SH2D3C: variants seen among roughly 807,000 people sequenced by gnomAD.
The protein encoded by SH2D3C is SH2 domain containing 3C.
Under a neutral mutation model 75.2 loss-of-function variants are expected in SH2D3C, and 25 were observed. That is an observed-to-expected ratio of 0.33 (90% CI 0.24 to 0.46). The LOEUF (loss-of-function observed/expected upper bound fraction) is 0.46. SH2D3C is among the 20% of genes least tolerant of loss of function. SH2D3C has a pLI of 1.00. For missense variants in SH2D3C, 933 were observed against 1,165.3 expected (o/e 0.80, Z 2.90); for synonymous variants, 450 against 473.7 (o/e 0.95, Z 0.65).
In SH2D3C at chr9:127,740,349, T is replaced by G. The variant is rs1476961419; in HGVS notation, c.2109A>C (p.Thr703=). 1 of 1,614,086 alleles carries G rather than the reference T, an allele frequency of 6.2e-7. No homozygotes were observed. The highest frequency in any genetic ancestry group is 8.5e-7 in the Non-Finnish European group (1 of 1,179,990). ...TGTGTCGCTGCCGCAGGGTCACCCA[T>G]GTCTGCTCCAGCCGAGAAATCTGGG... The part of the protein sequence containing the change: ...DMAQISRLEQ[T]WVTLRQRHTE... The change falls in exon 10 of 12, where the codon ACA becomes ACC. Residue 703 remains threonine (T), a synonymous_variant. Transcript: ENST00000314830.
intron 8 of SH2D3C, chr9:127,742,529 G>T (rs1006459732): frequency 5.7e-5 from 15 of 264,252 alleles, no homozygotes; most frequent in Non-Finnish European, 2.2e-5. Flanking sequence ...GAGCCACCGC[G>T]CCCGGCCAGG....
rs371070011 is a variant in SH2D3C at position 127,778,533 on chromosome 9, G to A, written c.37+58C>T. ...ACAGTGATGAAGAAACAGATGCAGAGAGAGGCCCAGAGGAGAGCCAGGGAT... is the reference window on the plus strand; with the variant it reads ...ACAGTGATGAAGAAACAGATGCAGAAAGAGGCCCAGAGGAGAGCCAGGGAT... On this transcript the variant is annotated intron_variant, in intron 1 of 11. Coordinates refer to ENST00000314830, the MANE Select transcript of SH2D3C (RefSeq NM_170600.3). The A allele has an allele frequency of 1.4e-5, 17 of 1,221,064 alleles. No individual in the cohort carries two copies. In the African/African-American group the frequency reaches 2.1e-4, roughly 15 times the overall value. The allele number at this position is 1,221,064 out of a possible 1,614,324, so 75.6% of individuals were successfully genotyped here.
intron 2 of SH2D3C, among the ~76,000 whole-genome samples, chr9:127,767,862 C>T (rs974765610): frequency 6.6e-6 from 1 of 152,238 alleles, no homozygotes; most frequent in Non-Finnish European, 1.5e-5. Context: ...GTCACACAGT[C>T]AGTGGGCCTC....
At chr9:127,771,282 T>G (rs1845733188) in intron 2 of SH2D3C, 1 of 1,517,636 alleles carries the variant, frequency 6.6e-7, no homozygotes, top group Non-Finnish European at 8.8e-7. Context: ...ACCCAGCGGC[T>G]CCTGCCTTTC....
At position 127,754,442 on chromosome 9, in the gene SH2D3C, C is replaced by G. The variant is rs990419675; in HGVS notation, c.556-3142G>C. On this transcript the variant is annotated intron_variant, in intron 3 of 11. Transcript: ENST00000314830. The surrounding 1 kb of genome is among the most constrained non-coding windows in gnomAD (Gnocchi z 4.4). ...GTCCCAACCCCAAGCAAAGCCATCC[C>G]CAAAGGATGCTCCGCAGAGAGGCGG... is the stretch of plus-strand genomic sequence containing the variant. 7.9e-5 allele frequency among the ~76,000 whole-genome samples: 12 copies of G among 152,170 alleles called. No individual in the cohort carries two copies. Among genetic ancestry groups the G allele is most frequent in the Non-Finnish European group, 1.2e-4 (8 of 68,028 alleles).
intron 1 of SH2D3C, among the ~76,000 whole-genome samples, chr9:127,776,529 C>G (rs2131814308): frequency 6.6e-6 from 1 of 152,304 alleles, no homozygotes; most frequent in African/African-American, 2.4e-5. Context: ...CTCCCCCTGC[C>G]CCCAGCTGTG....
intron 1 of SH2D3C, among the ~76,000 whole-genome samples, chr9:127,775,960 C>T (rs1245789931): frequency 1.3e-5 from 2 of 152,002 alleles, no homozygotes; most frequent in African/African-American, 4.8e-5. Context: ...TCCCGAGTAA[C>T]TGGGATTACA....
chr9:127,760,899 C>T (rs1005828497), intron 3 of SH2D3C, among the ~76,000 whole-genome samples: 2 of 151,844 alleles, frequency 1.3e-5, no homozygotes, highest in East Asian at 3.9e-4. Context: ...AGTGCAGTGG[C>T]GCAAATCTCA....
At chr9:127,776,875 C>T (rs114604871) in intron 1 of SH2D3C, among the ~76,000 whole-genome samples, 1 of 152,128 alleles carries the variant, frequency 6.6e-6, no homozygotes, top group Non-Finnish European at 1.5e-5. Context: ...AGAAACGTGT[C>T]GGCAAATGTG....
Position 127,741,772 on chromosome 9 carries a change from G to A in SH2D3C, c.2088+16C>T, listed in dbSNP as rs1224497700. ...AGACAGTCTACCGGGTGCCAGCTCTGCGCGGCTCTCAGTACCTGGGCCATG... is the reference window on the plus strand; with the variant it reads ...AGACAGTCTACCGGGTGCCAGCTCTACGCGGCTCTCAGTACCTGGGCCATG... On this transcript the variant is annotated intron_variant, in intron 9 of 11. Coordinates refer to ENST00000314830, the MANE Select transcript of SH2D3C (RefSeq NM_170600.3). 6.2e-7 allele frequency: 1 copy of A among 1,611,650 alleles called. No individual in the cohort carries two copies. The highest frequency in any genetic ancestry group is 1.7e-5 in the Admixed American group (1 of 59,928).
Position 127,744,602 on chromosome 9 carries a change from G to A in SH2D3C, c.1762C>T (p.Arg588Trp), listed in dbSNP as rs142604139. Residue 588 changes from arginine (R) to tryptophan (W), a missense_variant, in exon 7 of 12, where the codon CGG becomes TGG. Transcript: ENST00000314830. ...VKELLAEVDA[R>W]TLARHVTKVD... ...TTGGTGACATGCCGGGCCAGCGTCC[G>A]GGCATCCACTTCTGCCAGCAGCTCC... 248 of 1,612,226 alleles carry A rather than the reference G, an allele frequency of 1.5e-4. No individual in the cohort carries two copies. The highest frequency in any genetic ancestry group is 1.9e-4 in the Non-Finnish European group (223 of 1,178,546).
intron 7 of SH2D3C, among the ~76,000 whole-genome samples, chr9:127,743,323 C>G (rs1384028586): frequency 6.6e-6 from 1 of 152,008 alleles, no homozygotes; most frequent in Non-Finnish European, 1.5e-5. Flanking sequence ...GCCAACATGG[C>G]GAAACCCCAT....
rs199532954 is a variant in SH2D3C, at chr9:127,749,317, C to T, written c.1033G>A (p.Val345Ile). ...GQGSSKPASP[V>I]SPSGPKGSHM... ...CTGCCCTTGGGGCCTGAGGGGCTGA[C>T]GGGGCTAGCAGGCTTGCTACTCCCC... Residue 345 changes from valine to isoleucine, a missense_variant, in exon 5 of 12, where the codon GTC (valine) becomes ATC (isoleucine). Physicochemically the swap from Val to Ile is conservative, Grantham distance 29. Coordinates refer to ENST00000314830, the MANE Select transcript of SH2D3C (RefSeq NM_170600.3). This position sits in a 1 kb window ranked among gnomAD's most constrained non-coding sequence, Gnocchi z 5.9. 45 of 1,611,888 alleles carry T rather than the reference C, an allele frequency of 2.8e-5. No individual in the cohort carries two copies. Among genetic ancestry groups the T allele is most frequent in the Non-Finnish European group, 3.4e-5 (40 of 1,178,986 alleles).
Position 127,751,387 on chromosome 9 carries a change from C to A in SH2D3C, c.556-87G>T. On this transcript the variant is annotated intron_variant, in intron 3 of 11. Coordinates refer to ENST00000314830, the MANE Select transcript of SH2D3C (RefSeq NM_170600.3). The surrounding 1 kb of genome is among the most constrained non-coding windows in gnomAD (Gnocchi z 4.1). ...ACTTCATTCTACCATGGATGAACTCCTCCTATCCTGGGACTCTGGGAACAC... is the reference window on the plus strand; with the variant it reads ...ACTTCATTCTACCATGGATGAACTCATCCTATCCTGGGACTCTGGGAACAC... 1 of 1,322,704 alleles carries A rather than the reference C, an allele frequency of 7.6e-7. No homozygotes were observed. The highest frequency in any genetic ancestry group is 1.1e-6 in the Non-Finnish European group (1 of 932,288). The allele number at this position is 1,322,704 out of a possible 1,614,324, so 81.9% of individuals were successfully genotyped here. A position where few individuals can be genotyped will look rare whatever the true frequency, so the allele number is the denominator to read the frequency against.
Position 127,774,261 on chromosome 9 carries a change from G to A in SH2D3C, c.244C>T (p.Arg82Cys), listed in dbSNP as rs771383125. ...DMYSHMGTMP[R>C]PSIKKAQNSQ... ...TTCTGTGCTTTCTTGATGCTGGGGC[G>A]AGGCATGGTGCCCATGTGGCTGTAC... Residue 82 changes from arginine (R) to cysteine (C), a missense_variant, in exon 2 of 12, where the codon CGC (arginine) becomes TGC (cysteine). By Grantham distance (180) the Arg-to-Cys change is radical. Transcript: ENST00000314830. This position sits in a 1 kb window ranked among gnomAD's most constrained non-coding sequence, Gnocchi z 4.3. 8 of 1,614,002 alleles carry A rather than the reference G, an allele frequency of 5.0e-6. No homozygotes were observed. The highest frequency in any genetic ancestry group is 2.2e-5 in the East Asian group (1 of 44,882).
At chr9:127,748,107 T>C (rs1845088188) in intron 5 of SH2D3C, among the ~76,000 whole-genome samples, 1 of 152,172 alleles carries the variant, frequency 6.6e-6, no homozygotes. Flanking sequence ...ACACGGCCCC[T>C]CACTAGTGCC....
chr9:127,767,311 G>A, intron 2 of SH2D3C: 1 of 1,432,794 alleles, frequency 7.0e-7, no homozygotes. Context: ...TCTACTGAGT[G>A]CTAGTGGATG....
intron 6 of SH2D3C, 150 bp from the exon 7 acceptor site, chr9:127,745,249 C>T (rs1274922851): frequency 8.4e-6 from 5 of 598,530 alleles, no homozygotes; most frequent in South Asian, 5.5e-5. Context: ...GAGACCAGGG[C>T]CGATTGACTC....
At chr9:127,768,920 G>A (rs1455593714) in intron 2 of SH2D3C, among the ~76,000 whole-genome samples, 7 of 152,112 alleles carry the variant, frequency 4.6e-5, no homozygotes, top group Admixed American at 3.9e-4. Flanking sequence ...TTGTCCCTTC[G>A]TCTCCTTTGT....
Sources: gnomAD v4.1 joint callset for allele counts (sites outside exome capture counted in the v4.1 genomes callset) on GRCh38, gnomAD v4.1.1 for gene constraint, Gnocchi (gnomAD v3.1) non-coding constraint, MANE v1.5 for transcripts, NCBI Gene and HGNC (gene_info 2026-07-23, HGNC 2026-07-21) for gene names.